QPRT: variants seen among roughly 807,000 people sequenced by gnomAD.
QPRT encodes the protein nicotinate-nucleotide pyrophosphorylase [carboxylating].
Under a neutral mutation model 19.8 loss-of-function variants are expected in QPRT, and 17 were observed. That is an observed-to-expected ratio of 0.86 (90% CI 0.59 to 1.29). The LOEUF is 1.29. Among genes scored for constraint, QPRT ranks in the 50% most tolerant of loss-of-function variants. The pLI is 0.00. For missense variants in QPRT, 336 were observed against 405.1 expected (o/e 0.83, Z 1.46); for synonymous variants, 178 against 191.0 (o/e 0.93, Z 0.56).
Position 29,695,151 on chromosome 16 carries a change from G to A in QPRT, c.501G>A (p.Leu167=), listed in dbSNP as rs758807143. 1.3e-6 allele frequency: 2 copies of A among 1,575,346 alleles called. No homozygotes were observed. Among genetic ancestry groups the A allele is most frequent in the South Asian group, 2.3e-5 (2 of 86,558 alleles). Residue 167 remains leucine, a synonymous_variant, in exon 2 of 4, where the codon CTG becomes CTA. Coordinates refer to ENST00000395384, the MANE Select transcript of QPRT (RefSeq NM_014298.6). Reference sequence around the variant, plus strand: ...CGCACCGCTACGACCTGGGAGGGCTGGTGATGGTGAAGGATAACCATGTGG... The same window carrying A: ...CGCACCGCTACGACCTGGGAGGGCTAGTGATGGTGAAGGATAACCATGTGG... ...AASHRYDLGG[L]VMVKDNHVVA... is the part of the protein sequence containing the mutation.
chr16:29,689,380 C>A lies in QPRT; in HGVS notation c.14-5284C>A, dbSNP rs142192131. On this transcript the variant is annotated intron_variant, in intron 1 of 3. Coordinates refer to ENST00000395384, the MANE Select transcript of QPRT (RefSeq NM_014298.6). ...AAAGTGCTGGGATTACGGGCATGAG[C>A]CACCATGCCCGGCCTTAACTTTTAT... 1.9e-3 allele frequency among the ~76,000 whole-genome samples: 283 copies of A among 152,260 alleles called. 2 individuals carry two copies. Among genetic ancestry groups the A allele is most frequent in the African/African-American group, 6.4e-3 (266 of 41,542 alleles).
chr16:29,681,528 G>C (rs12929982), intron 1 of QPRT, among the ~76,000 whole-genome samples: 3 of 118,210 alleles, frequency 2.5e-5, no homozygotes, highest in Admixed American at 1.1e-4. Flanking sequence ...ACAGAGTCTC[G>C]CCCTGTTGTC....
At chr16:29,685,869 A>AT (rs145861358) in intron 1 of QPRT, among the ~76,000 whole-genome samples, 11,843 of 151,590 alleles carry the variant, frequency 0.078, 1,179 homozygotes, top group African/African-American at 0.23. Context: ...TGAAAAGAAA[A>AT]TTTTTTTTGA....
At chr16:29,696,273 T>C (rs905254946) in intron 2 of QPRT, 5 of 150,408 alleles carry the variant, frequency 3.3e-5, no homozygotes, top group African/African-American at 1.2e-4. Flanking sequence ...GGGGATTACT[T>C]AAGTCCAGGA....
chr16:29,698,581 G>C lies in QPRT; in HGVS notation c.*1170G>C, dbSNP rs1040252654. Reference sequence around the variant, plus strand: ...GCTTGAGATATCATGACCCTTTCACGTGGACCCCTTAGAGTTGTAAGCCTT... The same window carrying C: ...GCTTGAGATATCATGACCCTTTCACCTGGACCCCTTAGAGTTGTAAGCCTT... On this transcript the variant is annotated 3_prime_UTR_variant, in exon 4 of 4. Coordinates refer to ENST00000395384, the MANE Select transcript of QPRT (RefSeq NM_014298.6). 6.6e-6 allele frequency: 1 copy of C among 152,464 alleles called. No individual in the cohort carries two copies. The highest frequency in any genetic ancestry group is 1.5e-5 in the Non-Finnish European group (1 of 68,048). The allele number at this position is 152,464 out of a possible 1,614,324, so 9.4% of individuals were successfully genotyped here.
intron 1 of QPRT, among the ~76,000 whole-genome samples, chr16:29,694,220 G>A (rs1311352390): frequency 2.0e-5 from 3 of 151,480 alleles, no homozygotes; most frequent in Non-Finnish European, 4.4e-5. Context: ...CCAGGTTCAC[G>A]CCATTCTCCT....
chr16:29,684,041 C>G (rs1178505861), intron 1 of QPRT, among the ~76,000 whole-genome samples: 1 of 152,180 alleles, frequency 6.6e-6, no homozygotes, highest in African/African-American at 2.4e-5. Flanking sequence ...GCTCACCTCC[C>G]AAAACCCTCT....
At chr16:29,695,781 GCA>G (rs1967514371) in intron 2 of QPRT, 2 of 144,824 alleles carry the variant, frequency 1.4e-5, no homozygotes, top group Admixed American at 1.5e-4. Flanking sequence ...GTGAGCCACT[GCA>G]CCCAGCTGCC....
intron 1 of QPRT, among the ~76,000 whole-genome samples, chr16:29,692,607 T>C (rs1967383078): frequency 6.7e-6 from 1 of 150,312 alleles, no homozygotes; most frequent in Admixed American, 6.6e-5. Flanking sequence ...GGTGTATATA[T>C]TTATGGGGTG....
chr16:29,687,706 CG>C (rs1432954519), intron 1 of QPRT, among the ~76,000 whole-genome samples: 2 of 151,792 alleles, frequency 1.3e-5, no homozygotes, highest in Non-Finnish European at 2.9e-5. Context: ...TGCCAAAGCT[CG>C]GGGGTCCATC....
rs1452247766 is a variant in QPRT at position 29,694,777 on chromosome 16, C to T, written c.127C>T (p.Gln43Ter). Reference protein sequence around the residue: ...AALVSGAGPSQAALWAKSPGV... With the variant: ...AALVSGAGPS ...CTTGGTCAGCGGGGCAGGCCCCTCG[C>T]AGGCGGCGCTGTGGGCCAAATCCCC... is the stretch of plus-strand genomic sequence containing the variant. The change falls in exon 2 of 4, where the codon CAG (glutamine) becomes TAG (stop). Residue 43 changes from glutamine (Q) to a stop codon, truncating the protein, a stop_gained. Transcript: ENST00000395384. LOFTEE classifies it high-confidence loss of function. 1.9e-6 allele frequency: 3 copies of T among 1,613,776 alleles called. No homozygotes were observed. The highest frequency in any genetic ancestry group is 2.5e-6 in the Non-Finnish European group (3 of 1,179,812).
At chr16:29,686,241 T>C (rs1214333244) in intron 1 of QPRT, among the ~76,000 whole-genome samples, 1 of 152,070 alleles carries the variant, frequency 6.6e-6, no homozygotes, top group African/African-American at 2.4e-5. Context: ...CCCTGTGGCC[T>C]CTCCTCCCAC....
intron 1 of QPRT, among the ~76,000 whole-genome samples, chr16:29,692,221 C>T (rs895562576): frequency 9.9e-5 from 15 of 151,934 alleles, no homozygotes; most frequent in African/African-American, 3.1e-4. Flanking sequence ...GCCTACCGCG[C>T]GAGGGGCCTT....
chr16:29,685,949 C>CG (rs1967148620), intron 1 of QPRT, among the ~76,000 whole-genome samples: 1 of 152,196 alleles, frequency 6.6e-6, no homozygotes, highest in African/African-American at 2.4e-5. Flanking sequence ...CAACCTCCAC[C>CG]TCCCGGGTTC....
intron 1 of QPRT, among the ~76,000 whole-genome samples, chr16:29,690,928 A>G (rs1967307640): frequency 1.3e-5 from 2 of 152,002 alleles, no homozygotes; most frequent in South Asian, 4.1e-4. Context: ...TGACCTCGTG[A>G]TCTGCCCACC....
intron 1 of QPRT, among the ~76,000 whole-genome samples, chr16:29,681,058 C>A (rs1567326894): frequency 6.6e-6 from 1 of 152,004 alleles, no homozygotes. Flanking sequence ...CCCCATACAC[C>A]CGGTCCCTCT....
rs1222334827 is a variant in QPRT at position 29,698,182 on chromosome 16, G to T, written c.*771G>T. On this transcript the variant is annotated 3_prime_UTR_variant, in exon 4 of 4. Coordinates refer to ENST00000395384, the MANE Select transcript of QPRT (RefSeq NM_014298.6). ...ACAGCAGATGGAGGTTTGCTGGGCA[G>T]AGACACTGGGCTGGCCTAGACACTG... 2.0e-5 allele frequency: 3 copies of T among 152,284 alleles called. No homozygotes were observed. The highest frequency in any genetic ancestry group is 7.2e-5 in the African/African-American group (3 of 41,420). 9.4% of individuals were successfully genotyped at this position (152,284 alleles called of 1,614,324 possible). A position where few individuals can be genotyped will look rare whatever the true frequency, so the allele number is the denominator to read the frequency against.
Position 29,695,021 on chromosome 16 carries a change from C to T in QPRT, c.371C>T (p.Ala124Val), listed in dbSNP as rs1273449448. 2.5e-6 allele frequency: 4 copies of T among 1,605,004 alleles called. No individual in the cohort carries two copies. Among genetic ancestry groups the T allele is most frequent in the Non-Finnish European group, 3.4e-6 (4 of 1,179,134 alleles). ...AGTGCTGCCGCCGCTGCAGTGGAGG[C>T]CGCCAGGGGGGCCGGCTGGACTGGG... ...IASAAAAAVE[A>V]ARGAGWTGHV... Residue 124 changes from alanine to valine, a missense_variant, in exon 2 of 4, where the codon GCC becomes GTC. Transcript: ENST00000395384.
rs537664108 is a variant in QPRT, at chr16:29,691,364, CAAAAAAAAAAAA to C, written c.14-3281_14-3270del. Among the ~76,000 whole-genome samples the C allele has an allele frequency of 2.8e-3, 146 of 51,874 alleles. 1 individual carries two copies. Among genetic ancestry groups the C allele is most frequent in the African/African-American group, 7.3e-3 (68 of 9,272 alleles). 34.0% of individuals were successfully genotyped at this position (51,874 alleles called of 152,430 possible). On this transcript the variant is annotated intron_variant, in intron 1 of 3. Coordinates refer to ENST00000395384, the MANE Select transcript of QPRT (RefSeq NM_014298.6). ...TGGGCAAAAGAGTGAAGCTCTGCAT[CAAAAAAAAAAAA>C]AAAAAAAAAAAAAAAAAATCAGGGT... is the stretch of plus-strand genomic sequence containing the variant.
Sources: allele counts gnomAD v4.1 joint callset (sites outside exome capture counted in the v4.1 genomes callset), GRCh38; gene constraint gnomAD v4.1.1; transcripts MANE v1.5; gene names NCBI Gene and HGNC (gene_info 2026-07-23, HGNC 2026-07-21).